Variants in CSMD1 observed in about 807,000 individuals in gnomAD.
CSMD1 encodes CUB and sushi domain-containing protein 1.
In CSMD1, 213 loss-of-function variants were observed where a neutral mutation model predicts 417.5. The ratio of observed to expected loss-of-function variants is 0.51; its 90% CI spans 0.46 to 0.57. The LOEUF (loss-of-function observed/expected upper bound fraction) is 0.57, where lower values mean the gene tolerates loss of function less well. Ranked by LOEUF, CSMD1 falls within the 20% of genes least tolerant of loss-of-function variation. CSMD1 has a pLI of 0.00. For synonymous variants in CSMD1, 2,862 were observed against 1,736.8 expected, an observed-to-expected ratio of 1.65 and a Z score of -16.11; for missense variants, 6,923 against 4,529.7, an observed-to-expected ratio of 1.53 and a Z score of -15.17.
Position 3,151,462 on chromosome 8 carries a change from C to T in CSMD1, c.5966G>A (p.Gly1989Asp), listed in dbSNP as rs1819190810. The T allele has an allele frequency of 6.2e-7, 1 of 1,613,798 alleles. No homozygotes were observed. The highest frequency in any genetic ancestry group is 1.3e-5 in the African/African-American group (1 of 75,042). Residue 1989 changes from glycine to aspartate, a missense_variant, in exon 40 of 70, where the codon GGC becomes GAC. Physicochemically the swap from Gly to Asp is moderately conservative, Grantham distance 94. Transcript: ENST00000635120. ...GTTGTTGGGGTAAGAACCTGGGAAGCCGGGGCTCAGGATCACACCACCCAA... is the reference window on the plus strand; with the variant it reads ...GTTGTTGGGGTAAGAACCTGGGAAGTCGGGGCTCAGGATCACACCACCCAA... Reference protein sequence around the residue: ...STLGGVILSPGFPGSYPNNLD... With the variant: ...STLGGVILSPDFPGSYPNNLD...
intron 5 of CSMD1, among the ~76,000 whole-genome samples, chr8:3,760,346 T>A (rs1797923901): frequency 6.6e-6 from 1 of 152,266 alleles, no homozygotes; most frequent in Non-Finnish European, 1.5e-5. Flanking sequence ...TTCAACTGGG[T>A]TTTGCTTCTG....
At chr8:4,312,993 T>G (rs1046251992) in intron 3 of CSMD1, among the ~76,000 whole-genome samples, 3 of 151,972 alleles carry the variant, frequency 2.0e-5, no homozygotes, top group African/African-American at 7.3e-5. Context: ...TGCGGGGAAA[T>G]GAAGATGGGG....
chr8:4,369,274 G>T (rs148939145), intron 3 of CSMD1, among the ~76,000 whole-genome samples: 12 of 151,902 alleles, frequency 7.9e-5, no homozygotes, highest in Non-Finnish European at 1.0e-4. Context: ...TTTCTGATAC[G>T]ACTTCATTTT....
At chr8:3,057,097 C>T (rs1193092832) in intron 49 of CSMD1, among the ~76,000 whole-genome samples, 1 of 151,952 alleles carries the variant, frequency 6.6e-6, no homozygotes, top group Non-Finnish European at 1.5e-5. Context: ...CAGAAACTTC[C>T]ACAAATATAA....
chr8:4,612,042 T>C (rs532239903), intron 2 of CSMD1, among the ~76,000 whole-genome samples: 19 of 152,236 alleles, frequency 1.2e-4, no homozygotes, highest in South Asian at 8.3e-4. Context: ...AAGAAAGCCA[T>C]GGTTCCCGGC....
chr8:4,640,270 G>C (rs73659183), intron 1 of CSMD1, among the ~76,000 whole-genome samples: 4 of 152,144 alleles, frequency 2.6e-5, no homozygotes, highest in Admixed American at 2.0e-4. Flanking sequence ...GTTCTTAGCA[G>C]AATGAATATC....
At chr8:4,912,410 G>T (rs533751465) in intron 1 of CSMD1, among the ~76,000 whole-genome samples, 1 of 150,982 alleles carries the variant, frequency 6.6e-6, no homozygotes, top group South Asian at 2.1e-4. Context: ...GGGTTGTCTA[G>T]ATCAATGCCA....
chr8:4,302,913 A>G (rs1478125262), intron 3 of CSMD1, among the ~76,000 whole-genome samples: 1 of 152,012 alleles, frequency 6.6e-6, no homozygotes, highest in Admixed American at 6.6e-5. Flanking sequence ...CTCAAAAGAC[A>G]GATTTTTTTT....
At chr8:4,210,760 G>T (rs1016481638) in intron 3 of CSMD1, among the ~76,000 whole-genome samples, 3 of 152,072 alleles carry the variant, frequency 2.0e-5, no homozygotes, top group African/African-American at 7.2e-5. Flanking sequence ...AAATATGAAA[G>T]ATCTTTTGAA....
Position 3,971,782 on chromosome 8 carries a change from G to C in CSMD1, c.818+26121C>G, listed in dbSNP as rs188678442. Among the ~76,000 whole-genome samples, 22 of 152,288 alleles carry C rather than the reference G, an allele frequency of 1.4e-4. No homozygotes were observed. In the East Asian group the frequency reaches 3.3e-3, roughly 23 times the overall value. On this transcript the variant is annotated intron_variant, in intron 5 of 69. Coordinates refer to ENST00000635120, the MANE Select transcript of CSMD1 (RefSeq NM_033225.6). ...TTCAGTAAAAGGAATTACCAGTGTA[G>C]AGAACAGAATTAAATATTAACTTAC...
chr8:4,447,885 A>G (rs189803141), intron 2 of CSMD1, among the ~76,000 whole-genome samples: 3 of 152,342 alleles, frequency 2.0e-5, no homozygotes, highest in East Asian at 3.9e-4. Flanking sequence ...CGAATGTACA[A>G]TTTTATTGTT....
intron 26 of CSMD1, among the ~76,000 whole-genome samples, chr8:3,275,581 T>G (rs1802220644): frequency 6.6e-6 from 1 of 152,224 alleles, no homozygotes; most frequent in East Asian, 1.9e-4. Context: ...AGACGTAGAT[T>G]CAGTCTTTTC....
intron 3 of CSMD1, among the ~76,000 whole-genome samples, chr8:4,218,442 C>A (rs1800818483): frequency 6.6e-6 from 1 of 152,088 alleles, no homozygotes; most frequent in South Asian, 2.1e-4. Flanking sequence ...TTTATTCTGC[C>A]ATGCTTCATA....
chr8:4,473,363 G>C (rs1236090201), intron 2 of CSMD1, among the ~76,000 whole-genome samples: 2 of 152,184 alleles, frequency 1.3e-5, no homozygotes, highest in African/African-American at 2.4e-5. Flanking sequence ...GGGTATCTGA[G>C]GTTGAGAAAG....
intron 6 of CSMD1, among the ~76,000 whole-genome samples, chr8:3,728,359 T>C (rs1802620202): frequency 6.6e-6 from 1 of 152,180 alleles, no homozygotes; most frequent in Non-Finnish European, 1.5e-5. Flanking sequence ...CCATTAAACC[T>C]CGTTCCTTTA....
intron 1 of CSMD1, among the ~76,000 whole-genome samples, chr8:4,655,648 T>G (rs538689265): frequency 1.3e-5 from 2 of 152,086 alleles, no homozygotes; most frequent in Non-Finnish European, 2.9e-5. Flanking sequence ...TGTAATCACC[T>G]TAATCATTTA....
At chr8:4,116,350 A>G (rs1802146241) in intron 3 of CSMD1, among the ~76,000 whole-genome samples, 1 of 152,164 alleles carries the variant, frequency 6.6e-6, no homozygotes, top group Non-Finnish European at 1.5e-5. Context: ...AAGGGTGGAT[A>G]CATGTCATTA....
At chr8:3,158,230 C>G (rs186066915) in intron 38 of CSMD1, among the ~76,000 whole-genome samples, 1 of 152,258 alleles carries the variant, frequency 6.6e-6, no homozygotes. Context: ...TAATTCGACT[C>G]AGCTCCTTTC....
intron 7 of CSMD1, among the ~76,000 whole-genome samples, chr8:3,705,552 T>C (rs1801121896): frequency 6.6e-6 from 1 of 152,036 alleles, no homozygotes; most frequent in Non-Finnish European, 1.5e-5. Context: ...AGAACGATCA[T>C]AAACAAACAA....
Sources: allele counts gnomAD v4.1 joint callset (sites outside exome capture counted in the v4.1 genomes callset), GRCh38; gene constraint gnomAD v4.1.1; transcripts MANE v1.5; gene names NCBI Gene and HGNC (gene_info 2026-07-23, HGNC 2026-07-21).